The following NRCAM variants were observed in gnomAD, a reference collection of about 807,000 sequenced individuals.
The protein encoded by NRCAM is neuronal cell adhesion molecule.
Under a neutral mutation model 156.5 loss-of-function variants are expected in NRCAM, and 83 were observed. The observed-to-expected ratio is 0.53, with a 90% CI of 0.44 to 0.64. The LOEUF is 0.64. Ranked by LOEUF, NRCAM falls within the 30% of genes least tolerant of loss-of-function variation. The pLI is 0.00. For missense variants in NRCAM, 1,417 were observed against 1,597.3 expected (o/e 0.89, Z 1.92); for synonymous variants, 538 against 563.9 (o/e 0.95, Z 0.65).
chr7:108,315,146 C>A (rs904770091), intron 2 of NRCAM, among the ~76,000 whole-genome samples: 1 of 152,078 alleles, frequency 6.6e-6, no homozygotes, highest in Non-Finnish European at 1.5e-5. Flanking sequence ...ATTTGTGCAA[C>A]ATGCAAAACT....
chr7:108,172,274 CATTTATTT>C (rs71137610), intron 28 of NRCAM, among the ~76,000 whole-genome samples: 14 of 150,584 alleles, frequency 9.3e-5, no homozygotes, highest in African/African-American at 2.9e-4. Context: ...ACCCTGAAAT[CATTTATTT>C]ATTTATTTAT....
chr7:108,338,534 T>A (rs1482845655), intron 2 of NRCAM, among the ~76,000 whole-genome samples: 2 of 145,798 alleles, frequency 1.4e-5, no homozygotes, highest in African/African-American at 2.5e-5. Flanking sequence ...AGTTTGTAAA[T>A]GGCTAAGAGA....
chr7:108,208,768 T>G (rs2082473881), intron 12 of NRCAM, among the ~76,000 whole-genome samples: 1 of 152,210 alleles, frequency 6.6e-6, no homozygotes, highest in African/African-American at 2.4e-5. Context: ...GTTTTGGGCT[T>G]TTGAGAATAT....
At chr7:108,453,113 C>T (rs1852377858) in intron 1 of NRCAM, among the ~76,000 whole-genome samples, 1 of 152,214 alleles carries the variant, frequency 6.6e-6, no homozygotes. Context: ...TTGGTCACCA[C>T]TGTATCCCCA....
chr7:108,265,907 C>G (rs1328159027), intron 3 of NRCAM, among the ~76,000 whole-genome samples: 3 of 152,070 alleles, frequency 2.0e-5, no homozygotes, highest in African/African-American at 7.2e-5. Context: ...TAAATGAAAG[C>G]TGAAAAAGAA....
At chr7:108,268,616 G>GTA (rs1319275389) in intron 3 of NRCAM, among the ~76,000 whole-genome samples, 2 of 120,604 alleles carry the variant, frequency 1.7e-5, no homozygotes, top group African/African-American at 3.3e-5. Context: ...AGCGGGGCGG[G>GTA]GGTGGGGGTG....
At chr7:108,455,682 A>C (rs1856376133) in intron 1 of NRCAM, among the ~76,000 whole-genome samples, 1 of 152,158 alleles carries the variant, frequency 6.6e-6, no homozygotes, top group Non-Finnish European at 1.5e-5. Flanking sequence ...TGGTCAGCAC[A>C]GGTGTACGCA....
At position 108,238,736 on chromosome 7, in the gene NRCAM, T is replaced by C. The variant is rs143638752; in HGVS notation, c.107-967A>G. Among the ~76,000 whole-genome samples the C allele has an allele frequency of 5.3e-5, 8 of 152,266 alleles. No individual in the cohort carries two copies. The East Asian group carries it at 1.2e-3, about 22-fold the overall frequency. On this transcript the variant is annotated intron_variant, in intron 4 of 32. Transcript: ENST00000379028. ...GCTTACTTAGGCATTCCCACTCCAA[T>C]GGGCTTAAGCAATTGTATATTTTTT...
intron 2 of NRCAM, among the ~76,000 whole-genome samples, chr7:108,316,904 C>T (rs1318497149): frequency 6.6e-6 from 1 of 152,104 alleles, no homozygotes; most frequent in Non-Finnish European, 1.5e-5. Flanking sequence ...AGAAGAAGTT[C>T]CTGTCCAGGG....
At chr7:108,203,363 C>T (rs1282445384) in intron 13 of NRCAM, among the ~76,000 whole-genome samples, 2 of 151,986 alleles carry the variant, frequency 1.3e-5, no homozygotes, top group African/African-American at 4.8e-5. Context: ...TTTAAGTAAT[C>T]TGGCCAGTCC....
chr7:108,148,714 A>G lies in NRCAM; in HGVS notation c.*1196T>C, dbSNP rs776026979. The G allele has an allele frequency of 6.6e-6, 1 of 152,622 alleles. No individual in the cohort carries two copies. Among genetic ancestry groups the G allele is most frequent in the Non-Finnish European group, 1.5e-5 (1 of 68,028 alleles). 9.5% of individuals were successfully genotyped at this position (152,622 alleles called of 1,614,324 possible). A position where few individuals can be genotyped will look rare whatever the true frequency, so the allele number is the denominator to read the frequency against. ...CATAGGTAAAGTCTTGGAGAATAAT[A>G]TATTACTGTTGGCATGCTGTTGTAT... is the stretch of plus-strand genomic sequence containing the variant. On this transcript the variant is annotated 3_prime_UTR_variant, in exon 33 of 33. Transcript: ENST00000379028.
intron 3 of NRCAM, among the ~76,000 whole-genome samples, chr7:108,290,729 C>G (rs1337968498): frequency 6.6e-6 from 1 of 152,096 alleles, no homozygotes; most frequent in Non-Finnish European, 1.5e-5. Flanking sequence ...TTTTTAGAAG[C>G]TAAATTGCAT....
At chr7:108,354,731 T>C (rs1005198786) in intron 2 of NRCAM, among the ~76,000 whole-genome samples, 1 of 151,964 alleles carries the variant, frequency 6.6e-6, no homozygotes, top group Non-Finnish European at 1.5e-5. Flanking sequence ...CCCGTCTTTA[T>C]TAAAAGTACA....
intron 1 of NRCAM, among the ~76,000 whole-genome samples, chr7:108,431,469 G>C (rs1825045155): frequency 6.6e-6 from 1 of 152,198 alleles, no homozygotes; most frequent in African/African-American, 2.4e-5. Flanking sequence ...CAAAAGAGCA[G>C]AGGACAGTAA....
At chr7:108,332,697 TTATA>T (rs1166980723) in intron 2 of NRCAM, among the ~76,000 whole-genome samples, 1 of 152,204 alleles carries the variant, frequency 6.6e-6, no homozygotes, top group Non-Finnish European at 1.5e-5. Context: ...TTACAACACT[TTATA>T]TAGCGCCTCT....
chr7:108,422,297 G>A (rs1352330442), intron 1 of NRCAM, among the ~76,000 whole-genome samples: 3 of 152,152 alleles, frequency 2.0e-5, no homozygotes, highest in African/African-American at 7.2e-5. Context: ...GCCAGGCAGT[G>A]CAGTAAACAC....
chr7:108,323,103 A>G (rs2099021858), intron 2 of NRCAM, among the ~76,000 whole-genome samples: 1 of 152,198 alleles, frequency 6.6e-6, no homozygotes, highest in Admixed American at 6.6e-5. Context: ...TAAGGAATTC[A>G]GGGGTTTTAG....
chr7:108,449,809 T>C (rs1848313234), intron 1 of NRCAM, among the ~76,000 whole-genome samples: 1 of 152,164 alleles, frequency 6.6e-6, no homozygotes, highest in South Asian at 2.1e-4. Flanking sequence ...ATTTTTTGAA[T>C]GCTCTCAGCC....
At chr7:108,236,676 A>G (rs1046444405) in intron 5 of NRCAM, among the ~76,000 whole-genome samples, 5 of 152,214 alleles carry the variant, frequency 3.3e-5, no homozygotes, top group African/African-American at 9.6e-5. Context: ...ATAATGGTTC[A>G]ATAACATCAG....
Sources: allele counts gnomAD v4.1 joint callset (sites outside exome capture counted in the v4.1 genomes callset), GRCh38; gene constraint gnomAD v4.1.1; transcripts MANE v1.5; gene names NCBI Gene and HGNC (gene_info 2026-07-23, HGNC 2026-07-21).